Variants in MTMR1 observed in about 807,000 individuals in gnomAD.
MTMR1 encodes the protein phosphatidylinositol-3-phosphate phosphatase MTMR1.
MTMR1 carries 17 observed loss-of-function variants against 51.6 expected under a neutral mutation model. The ratio of observed to expected loss-of-function variants is 0.33; its 90% CI spans 0.23 to 0.49. MTMR1 has a LOEUF of 0.49. MTMR1 is among the 20% of genes least tolerant of loss of function. The probability of loss-of-function intolerance (pLI) is 0.99; values close to 1 mark genes in which losing one functional copy is unlikely to be tolerated. For synonymous variants in MTMR1, 201 were observed against 205.6 expected (o/e 0.98, Z 0.19); for missense variants, 386 against 526.9 (o/e 0.73, Z 2.62).
chrX:150,729,882 G>A (rs2042058309), intron 6 of MTMR1, among the ~76,000 whole-genome samples: 1 of 111,500 alleles, frequency 9.0e-6, no homozygotes, highest in African/African-American at 3.3e-5. Flanking sequence ...AGCCGGTAGT[G>A]GTGGTGGGTG....
chrX:150,705,453 A>G (rs781874048), intron 2 of MTMR1, among the ~76,000 whole-genome samples: 2 of 112,316 alleles, frequency 1.8e-5, no homozygotes, highest in Admixed American at 9.4e-5. Flanking sequence ...GAAAACAAAG[A>G]AAAAAATATT....
At chrX:150,728,657 C>T (rs1184879961) in intron 6 of MTMR1, among the ~76,000 whole-genome samples, 1 of 110,811 alleles carries the variant, frequency 9.0e-6, no homozygotes, top group African/African-American at 3.3e-5. Flanking sequence ...AGGACCCACT[C>T]CTAATTGATG....
At chrX:150,748,822 C>T (rs781845984) in intron 13 of MTMR1, among the ~76,000 whole-genome samples, 1 of 109,518 alleles carries the variant, frequency 9.1e-6, no homozygotes, top group East Asian at 2.9e-4. Context: ...AAAGTGGGAC[C>T]CTATCTAAAT....
At chrX:150,720,154 G>A (rs1475871536) in intron 4 of MTMR1, among the ~76,000 whole-genome samples, 2 of 111,681 alleles carry the variant, frequency 1.8e-5, no homozygotes, top group African/African-American at 6.5e-5. Context: ...TCATTGTGAA[G>A]TAAAATACTC....
At chrX:150,753,473 G>A (rs1380804138) in intron 14 of MTMR1, among the ~76,000 whole-genome samples, 1 of 112,180 alleles carries the variant, frequency 8.9e-6, no homozygotes, top group Non-Finnish European at 1.9e-5. Flanking sequence ...TTTCACCAAC[G>A]CTTACTATTT....
chrX:150,759,185 T>C (rs1157072613), intron 15 of MTMR1, among the ~76,000 whole-genome samples: 1 of 112,538 alleles, frequency 8.9e-6, no homozygotes, highest in Non-Finnish European at 1.9e-5. Flanking sequence ...CAGTCAGTGG[T>C]CAACTTGGGA....
chrX:150,760,728 A>G (rs2043087751), intron 15 of MTMR1, among the ~76,000 whole-genome samples: 1 of 111,419 alleles, frequency 9.0e-6, no homozygotes, highest in South Asian at 3.8e-4. Context: ...GTTCGAGACT[A>G]GCCTGGCCAA....
At chrX:150,754,882 G>A (rs1220959364) in intron 14 of MTMR1, among the ~76,000 whole-genome samples, 2 of 110,435 alleles carry the variant, frequency 1.8e-5, no homozygotes, top group African/African-American at 3.3e-5. Context: ...AAAATTAGCC[G>A]GGCATGGTGG....
At position 150,712,368 on chromosome X, in the gene MTMR1, A is replaced by G. The variant is rs1219551681; in HGVS notation, c.276+3A>G. 8.6e-7 allele frequency: 1 copy of G among 1,162,893 alleles called. No individual in the cohort carries two copies. The highest frequency in any genetic ancestry group is 1.1e-6 in the Non-Finnish European group (1 of 871,013). On this transcript the variant is annotated splice_donor_region_variant and intron_variant, in intron 3 of 15. Coordinates refer to ENST00000445323, the MANE Select transcript of MTMR1 (RefSeq NM_001306144.3). Reference sequence around the variant, plus strand: ...TTTTCAGGAGGCCTGATCTAAGGGTAAGGATATTTGGCTTTCAGCGGATGG... The same window carrying G: ...TTTTCAGGAGGCCTGATCTAAGGGTGAGGATATTTGGCTTTCAGCGGATGG...
At chrX:150,725,146 A>G (rs971371987) in intron 4 of MTMR1, among the ~76,000 whole-genome samples, 7 of 112,366 alleles carry the variant, frequency 6.2e-5, no homozygotes, top group African/African-American at 1.3e-4. Context: ...CATTGAATCT[A>G]TAAATTGCTT....
chrX:150,760,678 G>C lies in MTMR1; in HGVS notation c.1858-1887G>C, dbSNP rs781818589. On this transcript the variant is annotated intron_variant, in intron 15 of 15. Coordinates refer to ENST00000445323, the MANE Select transcript of MTMR1 (RefSeq NM_001306144.3). ...GTGGCTCACGCCTGTAATCCCAGCA[G>C]TTTGGGAGGCCAAGGCGGGCAGATC... Among the ~76,000 whole-genome samples, 35 of 111,967 alleles carry C rather than the reference G, an allele frequency of 3.1e-4. No individual in the cohort carries two copies. In the South Asian group the frequency reaches 0.013, roughly 40 times the overall value.
intron 14 of MTMR1, among the ~76,000 whole-genome samples, chrX:150,752,129 G>A (rs1557417621): frequency 9.1e-6 from 1 of 109,973 alleles, no homozygotes; most frequent in Non-Finnish European, 1.9e-5. Flanking sequence ...TGTTGGGCAG[G>A]CTGGTCTCAA....
Position 150,728,862 on chromosome X carries a change from AT to A in MTMR1, c.555+1083del, listed in dbSNP as rs1262329989. On this transcript the variant is annotated intron_variant, in intron 6 of 15. Coordinates refer to ENST00000445323, the MANE Select transcript of MTMR1 (RefSeq NM_001306144.3). ...TTGGTCCTAGACTGCGTTCAAAACCATTTTTTTTTTTTCCAAAGAACCCTTT... is the reference window on the plus strand; with the variant it reads ...TTGGTCCTAGACTGCGTTCAAAACCATTTTTTTTTTTCCAAAGAACCCTTT... 1.0e-3 allele frequency among the ~76,000 whole-genome samples: 103 copies of A among 100,026 alleles called. 1 individual carries two copies. In the East Asian group the frequency reaches 0.012, roughly 12 times the overall value. The allele number at this position is 100,026 out of a possible 115,157, so 86.9% of individuals were successfully genotyped here.
chrX:150,698,672 ACG>A (rs58742500), intron 1 of MTMR1, among the ~76,000 whole-genome samples: 4,889 of 76,457 alleles, frequency 0.064, 155 homozygotes, highest in South Asian at 0.13. Flanking sequence ...CCCTGTCTAC[ACG>A]CGCGCGCACA....
chrX:150,718,339 A>G (rs1231076756), intron 3 of MTMR1, among the ~76,000 whole-genome samples: 1 of 112,080 alleles, frequency 8.9e-6, no homozygotes, highest in Non-Finnish European at 1.9e-5. Context: ...CTGTGTAGTG[A>G]TTACAGTATC....
chrX:150,749,536 T>C (rs1274317805), intron 13 of MTMR1, among the ~76,000 whole-genome samples: 3 of 111,595 alleles, frequency 2.7e-5, no homozygotes, highest in Admixed American at 1.9e-4. Flanking sequence ...TTAGGGTAAT[T>C]ATTATCACTT....
chrX:150,727,346 C>T lies in MTMR1; in HGVS notation c.447+37C>T, dbSNP rs909386435. ...AAAGTGTGTTTTATTTTAAAAGAAACACTTTTAAAAGAACACTAAAAGAAG... is the reference window on the plus strand; with the variant it reads ...AAAGTGTGTTTTATTTTAAAAGAAATACTTTTAAAAGAACACTAAAAGAAG... On this transcript the variant is annotated intron_variant, in intron 5 of 15. Transcript: ENST00000445323. The T allele has an allele frequency of 3.2e-5, 34 of 1,078,392 alleles. 1 individual carries two copies. Among genetic ancestry groups the T allele is most frequent in the South Asian group, 9.8e-5 (5 of 51,019 alleles). 88.9% of individuals were successfully genotyped at this position (1,078,392 alleles called of 1,213,427 possible).
intron 4 of MTMR1, among the ~76,000 whole-genome samples, chrX:150,726,662 A>G (rs1463324890): frequency 8.9e-6 from 1 of 112,318 alleles, no homozygotes; most frequent in East Asian, 2.8e-4. Context: ...GAGCTTCTTA[A>G]CACTAATGGG....
intron 10 of MTMR1, chrX:150,736,187 TAGAAGA>T (rs1287535483): frequency 8.1e-6 from 1 of 124,071 alleles, no homozygotes; most frequent in African/African-American, 3.2e-5. Flanking sequence ...ACTGTGTCCT[TAGAAGA>T]AGAGGAGAAG....
Sources: allele counts gnomAD v4.1 joint callset (sites outside exome capture counted in the v4.1 genomes callset), GRCh38; gene constraint gnomAD v4.1.1; transcripts MANE v1.5; gene names NCBI Gene and HGNC (gene_info 2026-07-23, HGNC 2026-07-21).